Variants in CDH23 observed in about 807,000 individuals in gnomAD.
CDH23 encodes the protein cadherin related 23.
Under a neutral mutation model 317.1 loss-of-function variants are expected in CDH23, and 189 were observed. That is an observed-to-expected ratio of 0.60 (90% CI 0.53 to 0.67). CDH23 has a LOEUF of 0.67. Ranked by LOEUF, CDH23 falls within the 30% of genes least tolerant of loss-of-function variation. The pLI is 0.00. For missense variants in CDH23, 4,401 were observed against 4,592.4 expected (o/e 0.96, Z 1.20); for synonymous variants, 1,839 against 1,876.8 (o/e 0.98, Z 0.52).
chr10:71,784,389 G>A lies in CDH23; in HGVS notation c.5471G>A (p.Arg1824His), dbSNP rs111033491. 34 of 1,613,686 alleles carry A rather than the reference G, an allele frequency of 2.1e-5. No homozygotes were observed. Among genetic ancestry groups the A allele is most frequent in the African/African-American group, 2.0e-4 (15 of 74,928 alleles). ...TTCTACAACCTGACCATCTGTGCCC[G>A]TGACCGGGGGATGCCCCCACTCAGC... ...IAFYNLTICA[R>H]DRGMPPLSST... The change falls in exon 42 of 70, where the codon CGT becomes CAT. Residue 1824 changes from arginine to histidine, a missense_variant. Physicochemically the swap from Arg to His is conservative, Grantham distance 29. Coordinates refer to ENST00000224721, the MANE Select transcript of CDH23 (RefSeq NM_022124.6).
At chr10:71,501,143 C>T (rs1157421697) in intron 3 of CDH23, among the ~76,000 whole-genome samples, 2 of 152,190 alleles carry the variant, frequency 1.3e-5, no homozygotes, top group African/African-American at 4.8e-5. Flanking sequence ...GCTGGGATTA[C>T]AAGGCGTGAG....
chr10:71,587,258 G>A (rs1386295176), intron 9 of CDH23, among the ~76,000 whole-genome samples: 1 of 152,240 alleles, frequency 6.6e-6, no homozygotes, highest in East Asian at 1.9e-4. Flanking sequence ...TGCCTGAGAA[G>A]CCAAGGGATT....
intron 38 of CDH23, among the ~76,000 whole-genome samples, chr10:71,771,953 G>A (rs989827952): frequency 2.3e-4 from 35 of 152,340 alleles, no homozygotes; most frequent in Admixed American, 2.1e-3. Context: ...GGGCCACCAG[G>A]GAGGGCAGTG....
In CDH23 at chr10:71,751,092, G is replaced by A; in HGVS notation, c.4845+9171G>A. On this transcript the variant is annotated intron_variant, in intron 38 of 69. Coordinates refer to ENST00000224721, the MANE Select transcript of CDH23 (RefSeq NM_022124.6). The surrounding 1 kb of genome is among the most constrained non-coding windows in gnomAD (Gnocchi z 4.9). ...CCAGCATCCCCATGTAGCATCCAGA[G>A]GGGTTGAGGGGCTGGGCTTCTGGGA... The A allele has an allele frequency of 1.2e-6, 1 of 827,462 alleles. No individual in the cohort carries two copies. Among genetic ancestry groups the A allele is most frequent in the Non-Finnish European group, 1.9e-6 (1 of 533,742 alleles). The allele number at this position is 827,462 out of a possible 1,614,324, so 51.3% of individuals were successfully genotyped here.
At chr10:71,740,703 A>G in intron 36 of CDH23, 119 bp from the exon 37 acceptor site, 1 of 1,413,208 alleles carries the variant, frequency 7.1e-7, no homozygotes, top group Non-Finnish European at 9.6e-7. Context: ...AGGGGTTCTC[A>G]GTGAGTCTCT....
chr10:71,592,711 A>C (rs2132450341), intron 9 of CDH23, among the ~76,000 whole-genome samples: 1 of 152,256 alleles, frequency 6.6e-6, no homozygotes, highest in East Asian at 1.9e-4. Context: ...ACATCTGCAA[A>C]GTCCCCTTTG....
chr10:71,545,596 T>C (rs1856230308), intron 6 of CDH23, among the ~76,000 whole-genome samples: 1 of 152,222 alleles, frequency 6.6e-6, no homozygotes, highest in African/African-American at 2.4e-5. Flanking sequence ...CTTCAGGGCC[T>C]ACTGTGTGCT....
intron 9 of CDH23, among the ~76,000 whole-genome samples, chr10:71,614,473 C>T (rs1288216809): frequency 6.6e-6 from 1 of 152,204 alleles, no homozygotes; most frequent in Admixed American, 6.5e-5. Flanking sequence ...GCAGGACTGG[C>T]CCAGGTGAGG....
Position 71,799,252 on chromosome 10 carries a change from A to G in CDH23, c.7196A>G (p.Asn2399Ser). 1 of 1,613,954 alleles carries G rather than the reference A, an allele frequency of 6.2e-7. No homozygotes were observed. The highest frequency in any genetic ancestry group is 1.3e-5 in the African/African-American group (1 of 75,028). ...YLEIVDINDN[N>S]PIFDQPSYQE... ...GAAATCGTGGACATCAATGACAACA[A>G]CCCCATCTTTGACCAGCCCTCCTAC... The change falls in exon 51 of 70, where the codon AAC becomes AGC. Residue 2399 changes from asparagine to serine, a missense_variant. By Grantham distance (46) the Asn-to-Ser change is conservative. Transcript: ENST00000224721.
chr10:71,589,889 C>A (rs944314072), intron 9 of CDH23, among the ~76,000 whole-genome samples: 1 of 152,254 alleles, frequency 6.6e-6, no homozygotes, highest in Non-Finnish European at 1.5e-5. Context: ...TACATCAACT[C>A]TTTTAATCCT....
chr10:71,793,081 C>T (rs535429179), intron 47 of CDH23, 101 bp from the exon 48 acceptor site: 1 of 849,276 alleles, frequency 1.2e-6, no homozygotes, highest in African/African-American at 1.7e-5. Context: ...TCAAGGCTGT[C>T]ATGAGAAGGG....
chr10:71,791,100 G>A, intron 46 of CDH23, 32 bp from the exon 47 acceptor site: 6 of 1,566,290 alleles, frequency 3.8e-6, no homozygotes, highest in Non-Finnish European at 5.2e-6. Flanking sequence ...CCTTTTCTGT[G>A]TGTTTCCCTG....
chr10:71,548,427 T>C (rs1856406299), intron 6 of CDH23, among the ~76,000 whole-genome samples: 1 of 152,132 alleles, frequency 6.6e-6, no homozygotes, highest in Non-Finnish European at 1.5e-5. Flanking sequence ...TTTATCTTCA[T>C]GTAGATCTTG....
rs1227075 is a variant in CDH23 at position 71,695,178 on chromosome 10, C to G, written c.2290-240C>G. Among the ~76,000 whole-genome samples, 137,510 of 152,242 alleles carry G rather than the reference C, an allele frequency of 0.9. 62,618 individuals carry two copies. The highest frequency in any genetic ancestry group is 1 in the East Asian group (5,168 of 5,178). On this transcript the variant is annotated intron_variant, in intron 21 of 69. Coordinates refer to ENST00000224721, the MANE Select transcript of CDH23 (RefSeq NM_022124.6). ...CCAGGTCACAGCAAGGATTTCAGGG[C>G]TTATCACATCCATTCCACTGCCTCC...
chr10:71,784,164 C>T lies in CDH23; in HGVS notation c.5369-123C>T, dbSNP rs146279966. 83 of 1,037,864 alleles carry T rather than the reference C, an allele frequency of 8.0e-5. 1 individual carries two copies. In the South Asian group the frequency reaches 1.3e-3, roughly 16 times the overall value. 64.3% of individuals were successfully genotyped at this position (1,037,864 alleles called of 1,614,324 possible). A position where few individuals can be genotyped will look rare whatever the true frequency, so the allele number is the denominator to read the frequency against. On this transcript the variant is annotated intron_variant, in intron 41 of 69. Coordinates refer to ENST00000224721, the MANE Select transcript of CDH23 (RefSeq NM_022124.6). ...CTGAAGCTGGGGTCACTGGAGGACC[C>T]GGGCCCCAGCTGTCCCCCACCTGTG...
At chr10:71,569,131 G>T (rs1035935462) in intron 7 of CDH23, among the ~76,000 whole-genome samples, 2 of 152,204 alleles carry the variant, frequency 1.3e-5, no homozygotes, top group African/African-American at 4.8e-5. Flanking sequence ...TGCCGTGTGG[G>T]CCCCAGTCCT....
intron 14 of CDH23, among the ~76,000 whole-genome samples, chr10:71,666,604 T>C (rs1319155566): frequency 6.8e-6 from 1 of 147,504 alleles, no homozygotes; most frequent in African/African-American, 2.5e-5. Context: ...TCCAAGCATT[T>C]TCCTAGAAGT....
At chr10:71,497,329 A>C (rs1406380026) in intron 3 of CDH23, among the ~76,000 whole-genome samples, 1 of 152,076 alleles carries the variant, frequency 6.6e-6, no homozygotes, top group African/African-American at 2.4e-5. Context: ...CACCCACCCC[A>C]CTGTTATCAC....
At chr10:71,477,654 T>C (rs1418012201) in intron 3 of CDH23, among the ~76,000 whole-genome samples, 1 of 152,214 alleles carries the variant, frequency 6.6e-6, no homozygotes, top group Non-Finnish European at 1.5e-5. Flanking sequence ...CCCTGCATCT[T>C]ACTCGAGACA....
Sources: gnomAD v4.1 joint callset for allele counts (sites outside exome capture counted in the v4.1 genomes callset) on GRCh38, gnomAD v4.1.1 for gene constraint, Gnocchi (gnomAD v3.1) non-coding constraint, MANE v1.5 for transcripts, NCBI Gene and HGNC (gene_info 2026-07-23, HGNC 2026-07-21) for gene names.